The following KCNQ5 variants were observed in gnomAD, a reference collection of about 807,000 sequenced individuals.
The protein encoded by KCNQ5 is potassium voltage-gated channel subfamily Q member 5.
In KCNQ5, 30 loss-of-function variants were observed where a neutral mutation model predicts 98.2. That is an observed-to-expected ratio of 0.31 (90% confidence interval 0.23 to 0.41). The LOEUF (loss-of-function observed/expected upper bound fraction) is 0.41. Ranked by LOEUF, KCNQ5 falls within the 10% of genes least tolerant of loss-of-function variation. KCNQ5 has a pLI of 1.00. For synonymous variants in KCNQ5, 458 were observed against 449.4 expected, an observed-to-expected ratio of 1.02 and a Z score of -0.24; for missense variants, 835 against 1,182.5, an observed-to-expected ratio of 0.71 and a Z score of 4.31.
At chr6:73,034,950 A>T (rs1427952608) in intron 2 of KCNQ5, among the ~76,000 whole-genome samples, 1 of 147,048 alleles carries the variant, frequency 6.8e-6, no homozygotes. Flanking sequence ...GGTTCACGCC[A>T]TTCTCCTGCC....
intron 5 of KCNQ5, among the ~76,000 whole-genome samples, chr6:73,083,477 C>T (rs1773860913): frequency 6.6e-6 from 1 of 150,700 alleles, no homozygotes; most frequent in South Asian, 2.1e-4. Flanking sequence ...TTATGCACCA[C>T]TAAAAAAAAA....
At chr6:73,058,792 G>T (rs1772644008) in intron 3 of KCNQ5, among the ~76,000 whole-genome samples, 1 of 152,054 alleles carries the variant, frequency 6.6e-6, no homozygotes, top group Non-Finnish European at 1.5e-5. Flanking sequence ...CATACACGTG[G>T]CCAAGAAGCA....
At chr6:72,912,585 T>G (rs4388257) in intron 1 of KCNQ5, among the ~76,000 whole-genome samples, 42,314 of 152,060 alleles carry the variant, frequency 0.28, 6,235 homozygotes, top group Non-Finnish European at 0.32. Context: ...ATGGGCAAAT[T>G]GTCAAATTTT....
At chr6:73,097,777 A>G (rs1337858813) in intron 5 of KCNQ5, among the ~76,000 whole-genome samples, 1 of 152,246 alleles carries the variant, frequency 6.6e-6, no homozygotes, top group African/African-American at 2.4e-5. Context: ...TGATACATCT[A>G]CAAGTCTACA....
Position 73,169,640 on chromosome 6 carries a change from T to C in KCNQ5, c.1469-106T>C, listed in dbSNP as rs1381198896. ...CTGACCTTATACATATCTTGGTTTA[T>C]CAGCTTACTCTGTGAGTATCCCGCC... On this transcript the variant is annotated intron_variant, in intron 10 of 13. Coordinates refer to ENST00000370398, the MANE Select transcript of KCNQ5 (RefSeq NM_019842.4). 6 of 775,622 alleles carry C rather than the reference T, an allele frequency of 7.7e-6. 1 individual carries two copies. The Admixed American group carries it at 9.8e-5, about 13-fold the overall frequency. 48.0% of individuals were successfully genotyped at this position (775,622 alleles called of 1,614,324 possible).
At chr6:72,734,493 T>C (rs530525683) in intron 1 of KCNQ5, among the ~76,000 whole-genome samples, 2 of 152,244 alleles carry the variant, frequency 1.3e-5, no homozygotes, top group African/African-American at 4.8e-5. Context: ...GGCTAATTTT[T>C]GTATTTTTAG....
intron 1 of KCNQ5, among the ~76,000 whole-genome samples, chr6:72,673,537 G>C (rs1767246995): frequency 6.6e-6 from 1 of 152,084 alleles, no homozygotes; most frequent in African/African-American, 2.4e-5. Context: ...AGGTAGACTA[G>C]GAAGAGAGGG....
At chr6:72,775,430 ATAAAT>A (rs1321653410) in intron 1 of KCNQ5, among the ~76,000 whole-genome samples, 2 of 152,204 alleles carry the variant, frequency 1.3e-5, no homozygotes, top group African/African-American at 4.8e-5. Context: ...AAGTGATTGA[ATAAAT>A]TAATCAGTGA....
At chr6:72,642,394 G>A (rs1038683523) in intron 1 of KCNQ5, among the ~76,000 whole-genome samples, 8 of 151,846 alleles carry the variant, frequency 5.3e-5, no homozygotes, top group African/African-American at 9.7e-5. Flanking sequence ...ATAGGTAAAC[G>A]TGTGCCACAG....
chr6:72,811,542 A>G (rs1026380543), intron 1 of KCNQ5, among the ~76,000 whole-genome samples: 1 of 152,214 alleles, frequency 6.6e-6, no homozygotes, highest in Non-Finnish European at 1.5e-5. Flanking sequence ...TTCTACCAGT[A>G]GTTTTCGTAA....
chr6:73,055,800 AG>A, intron 3 of KCNQ5: 1 of 841,838 alleles, frequency 1.2e-6, no homozygotes, highest in Non-Finnish European at 2.0e-6. Context: ...TAGGGGATGA[AG>A]AGACCATGTG....
At chr6:72,819,318 C>A (rs753480747) in intron 1 of KCNQ5, among the ~76,000 whole-genome samples, 1 of 151,960 alleles carries the variant, frequency 6.6e-6, no homozygotes, top group Non-Finnish European at 1.5e-5. Flanking sequence ...CAACTACATT[C>A]TTTAAGTTAT....
At chr6:72,900,116 G>A (rs566354513) in intron 1 of KCNQ5, among the ~76,000 whole-genome samples, 59 of 152,172 alleles carry the variant, frequency 3.9e-4, no homozygotes, top group African/African-American at 1.3e-3. Flanking sequence ...GATTACAGGC[G>A]TCAGCCACTG....
intron 2 of KCNQ5, among the ~76,000 whole-genome samples, chr6:73,027,377 C>T (rs986283196): frequency 6.6e-6 from 1 of 152,078 alleles, no homozygotes; most frequent in Non-Finnish European, 1.5e-5. Context: ...CACGTATTTG[C>T]ATAGTAATTT....
intron 1 of KCNQ5, among the ~76,000 whole-genome samples, chr6:72,777,476 C>G (rs1773218177): frequency 6.6e-6 from 1 of 152,050 alleles, no homozygotes; most frequent in African/African-American, 2.4e-5. Context: ...CTAGTCTATA[C>G]CACAGATCTT....
intron 1 of KCNQ5, among the ~76,000 whole-genome samples, chr6:72,670,247 C>T (rs1284296026): frequency 6.6e-6 from 1 of 152,162 alleles, no homozygotes; most frequent in Admixed American, 6.5e-5. Flanking sequence ...TTTTTGCTAA[C>T]ATTCAGTTTA....
At chr6:72,682,891 G>A (rs1050766598) in intron 1 of KCNQ5, among the ~76,000 whole-genome samples, 7 of 152,104 alleles carry the variant, frequency 4.6e-5, no homozygotes, top group African/African-American at 1.7e-4. Context: ...GAGGAGAAAG[G>A]CTCCTCCAGG....
chr6:72,648,828 A>G (rs1054226801), intron 1 of KCNQ5, among the ~76,000 whole-genome samples: 1 of 150,454 alleles, frequency 6.6e-6, no homozygotes, highest in African/African-American at 2.4e-5. Context: ...ATCTCAGAAG[A>G]AAAAAAAAGA....
At chr6:72,651,413 A>G (rs1317362444) in intron 1 of KCNQ5, among the ~76,000 whole-genome samples, 1 of 152,126 alleles carries the variant, frequency 6.6e-6, no homozygotes, top group African/African-American at 2.4e-5. Context: ...AAAATGCAAT[A>G]CATGGGGTGT....
Sources: gnomAD v4.1 joint callset for allele counts (sites outside exome capture counted in the v4.1 genomes callset) on GRCh38, gnomAD v4.1.1 for gene constraint, MANE v1.5 for transcripts, NCBI Gene and HGNC (gene_info 2026-07-23, HGNC 2026-07-21) for gene names.